Variants in ERN1 observed in about 807,000 individuals in gnomAD.
The protein encoded by ERN1 is serine/threonine-protein kinase/endoribonuclease IRE1.
Under a neutral mutation model 113.1 loss-of-function variants are expected in ERN1, and 39 were observed. The observed-to-expected ratio is 0.34, with a 90% CI of 0.27 to 0.45. The LOEUF is 0.45. ERN1 is among the 20% of genes least tolerant of loss of function. ERN1 has a pLI of 1.00. For missense variants in ERN1, 976 were observed against 1,274.8 expected (o/e 0.77, Z 3.57); for synonymous variants, 507 against 515.9 (o/e 0.98, Z 0.23).
At chr17:64,059,709 G>A (rs1011236567) in intron 11 of ERN1, among the ~76,000 whole-genome samples, 7 of 152,082 alleles carry the variant, frequency 4.6e-5, no homozygotes, top group East Asian at 1.9e-4. Context: ...TTCAGCTCCC[G>A]GTCTAGAGTC....
intron 19 of ERN1, 64 bp downstream of exon 19, chr17:64,047,794 T>G (rs1912556359): frequency 1.4e-6 from 2 of 1,440,944 alleles, no homozygotes; most frequent in Non-Finnish European, 1.9e-6. Flanking sequence ...TGTCCTTTTC[T>G]GTATTTTCAA....
In ERN1 at chr17:64,045,398, T is replaced by C. The variant is rs2143313988; in HGVS notation, c.2614A>G (p.Met872Val). ...ACAGTGATGTTCTCCCGCCAGTCCA[T>C]CTTCACCACGGCTCTCCCGCCTCTC... The part of the protein sequence containing the change: ...LERGGRAVVK[M>V]DWRENITVPL... Residue 872 changes from methionine (M) to valine (V), a missense_variant, in exon 20 of 22, where the codon ATG becomes GTG. By Grantham distance (21) the Met-to-Val change is conservative. Transcript: ENST00000433197. The C allele has an allele frequency of 6.2e-7, 1 of 1,613,856 alleles. No homozygotes were observed. Among genetic ancestry groups the C allele is most frequent in the East Asian group, 2.2e-5 (1 of 44,884 alleles).
At chr17:64,109,541 C>T (rs543250431) in intron 1 of ERN1, among the ~76,000 whole-genome samples, 23 of 152,344 alleles carry the variant, frequency 1.5e-4, no homozygotes, top group Non-Finnish European at 2.6e-4. Flanking sequence ...GGCCACCATA[C>T]CACCTTCCTC....
chr17:64,116,763 C>T (rs62073083), intron 1 of ERN1, among the ~76,000 whole-genome samples: 9,256 of 151,986 alleles, frequency 0.061, 288 homozygotes, highest in Non-Finnish European at 0.072. Context: ...TGGGGGTTTT[C>T]TGAGGTTTCC....
At chr17:64,073,334 A>ATT (rs775654259) in intron 5 of ERN1, among the ~76,000 whole-genome samples, 73,223 of 133,876 alleles carry the variant, frequency 0.55, 23,879 homozygotes, top group Non-Finnish European at 0.72. Flanking sequence ...ACACCCAGCA[A>ATT]ATTTTTTTTT....
chr17:64,086,724 G>GC (rs1237021560), intron 2 of ERN1, among the ~76,000 whole-genome samples: 1 of 119,498 alleles, frequency 8.4e-6, no homozygotes, highest in Non-Finnish European at 1.6e-5. Context: ...TCAGCAACCT[G>GC]CAACCTCCAC....
chr17:64,064,196 C>T (rs1322793507), intron 9 of ERN1, 45 bp from the exon 10 acceptor site: 11 of 1,530,972 alleles, frequency 7.2e-6, no homozygotes, highest in African/African-American at 4.1e-5. Flanking sequence ...GGAGGGAGAG[C>T]GGGTCCCACG....
chr17:64,084,114 C>T (rs532714789), intron 2 of ERN1, among the ~76,000 whole-genome samples: 4 of 152,136 alleles, frequency 2.6e-5, no homozygotes, highest in South Asian at 2.1e-4. Flanking sequence ...CAACTGGACA[C>T]GCCCACTACT....
rs1394390715 is a variant in ERN1 at position 64,040,903 on chromosome 17, T to C, written c.*3085A>G. On this transcript the variant is annotated 3_prime_UTR_variant, in exon 22 of 22. Transcript: ENST00000433197. ...GCTCAAGCCTGTAATCCCAGCACTT[T>C]GGGAGGCTGAGGCAGGCGGATCACG... 6.6e-6 allele frequency: 1 copy of C among 152,160 alleles called. No individual in the cohort carries two copies. Among genetic ancestry groups the C allele is most frequent in the African/African-American group, 2.4e-5 (1 of 41,410 alleles). The allele number at this position is 152,160 out of a possible 1,614,324, so 9.4% of individuals were successfully genotyped here.
In ERN1 at chr17:64,055,809, G is replaced by A. The variant is rs1186986826; in HGVS notation, c.1538C>T (p.Thr513Met). 1.6e-5 allele frequency: 25 copies of A among 1,578,652 alleles called. No individual in the cohort carries two copies. The highest frequency in any genetic ancestry group is 2.3e-5 in the East Asian group (1 of 43,126). The stretch of plus-strand genomic sequence containing the variant: ...CGAGCTCTCTGAGTACGGGCCAGAC[G>A]TGTCCAGGAGCTCGCCGTCCTGAGC... ...DTAQDGELLD[T>M]SGPYSESSGT... Residue 513 changes from threonine (T) to methionine (M), a missense_variant, in exon 13 of 22, where the codon ACG becomes ATG. Thr to Met is a moderately conservative substitution (Grantham distance 81). This residue lies in a region of ERN1 where 112 missense variants were observed against 106.2 expected (regional missense o/e 1.05). Transcript: ENST00000433197.
At position 64,068,254 on chromosome 17, in the gene ERN1, C is replaced by T. The variant is rs1182445938; in HGVS notation, c.516G>A (p.Glu172=). 1 of 1,612,970 alleles carries T rather than the reference C, an allele frequency of 6.2e-7. No homozygotes were observed. The stretch of plus-strand genomic sequence containing the variant: ...CAAAGTAGGTGGCATTCCACCGGAG[C>T]TCTCGGGTTTTGGTGTCGTACATGG... The part of the protein sequence containing the change: ...TITMYDTKTR[E]LRWNATYFDY... The change falls in exon 7 of 22, where the codon GAG becomes GAA. Residue 172 remains glutamate, a synonymous_variant. Transcript: ENST00000433197.
chr17:64,053,221 C>A, intron 16 of ERN1, 51 bp downstream of exon 16: 1 of 1,473,198 alleles, frequency 6.8e-7, no homozygotes, highest in South Asian at 1.3e-5. Context: ...CCACCTGGGC[C>A]ACTGATTCTC....
intron 2 of ERN1, among the ~76,000 whole-genome samples, chr17:64,095,442 A>G (rs1003359554): frequency 2.0e-5 from 3 of 152,172 alleles, no homozygotes; most frequent in Non-Finnish European, 4.4e-5. Context: ...AAAAGAAAAG[A>G]AAAGAAAAGA....
At chr17:64,103,244 C>CCAG in intron 1 of ERN1, among the ~76,000 whole-genome samples, 1 of 152,200 alleles carries the variant, frequency 6.6e-6, no homozygotes. Flanking sequence ...ACCTGTAATC[C>CCAG]CAGCACCTTT....
chr17:64,075,925 G>A (rs1238149854), intron 4 of ERN1, among the ~76,000 whole-genome samples: 2 of 152,176 alleles, frequency 1.3e-5, no homozygotes, highest in Admixed American at 6.5e-5. Context: ...CTCAAGCTTC[G>A]AGGGAAAGGA....
chr17:64,092,881 G>C (rs577694268), intron 2 of ERN1, among the ~76,000 whole-genome samples: 1 of 152,272 alleles, frequency 6.6e-6, no homozygotes, highest in Non-Finnish European at 1.5e-5. Flanking sequence ...TCGTCTAAAA[G>C]TACAGAGATG....
At chr17:64,107,474 A>G (rs1331220903) in intron 1 of ERN1, among the ~76,000 whole-genome samples, 5 of 151,822 alleles carry the variant, frequency 3.3e-5, no homozygotes, top group Non-Finnish European at 7.4e-5. Flanking sequence ...AGCATGCACC[A>G]CTATGCCTGG....
At chr17:64,058,904 G>T (rs1212674387) in intron 11 of ERN1, among the ~76,000 whole-genome samples, 1 of 152,082 alleles carries the variant, frequency 6.6e-6, no homozygotes, top group Non-Finnish European at 1.5e-5. Flanking sequence ...GGGGTTTGTA[G>T]CCTGCAGAGT....
In ERN1 at chr17:64,068,222, G is replaced by A. The variant is rs866248229; in HGVS notation, c.548C>T (p.Ala183Val). ...LRWNATYFDY[A>V]ASLPEDDVDY... Reference sequence around the variant, plus strand: ...CACGTCGTCCTCAGGCAGTGAGGCCGCATAGTCAAAGTAGGTGGCATTCCA... The same window carrying A: ...CACGTCGTCCTCAGGCAGTGAGGCCACATAGTCAAAGTAGGTGGCATTCCA... The change falls in exon 7 of 22, where the codon GCG becomes GTG. Residue 183 changes from alanine to valine, a missense_variant. Physicochemically the swap from Ala to Val is moderately conservative, Grantham distance 64. Around this residue, in one of 5 missense-constraint regions of ERN1, gnomAD observed 459 missense variants for 581.2 expected, o/e 0.79. Coordinates refer to ENST00000433197, the MANE Select transcript of ERN1 (RefSeq NM_001433.5). The A allele has an allele frequency of 4.3e-6, 7 of 1,611,268 alleles. No individual in the cohort carries two copies. The African/African-American group carries it at 6.7e-5, about 15-fold the overall frequency.
Sources: gnomAD v4.1 joint callset for allele counts (sites outside exome capture counted in the v4.1 genomes callset) on GRCh38, gnomAD v4.1.1 for gene constraint, gnomAD v4.1.1 regional missense constraint, MANE v1.5 for transcripts, NCBI Gene and HGNC (gene_info 2026-07-23, HGNC 2026-07-21) for gene names.